The following LZTS1 variants were observed in gnomAD, a reference collection of about 807,000 sequenced individuals.
LZTS1 encodes the protein leucine zipper tumor suppressor 1.
LZTS1 carries 31 observed loss-of-function variants against 45.8 expected under a neutral mutation model. The ratio of observed to expected loss-of-function variants is 0.68; its 90% CI spans 0.51 to 0.91. The LOEUF (loss-of-function observed/expected upper bound fraction) is 0.91. LZTS1 is among the 40% of genes least tolerant of loss of function. The probability of loss-of-function intolerance (pLI) is 0.00; values close to 1 mark genes in which losing one functional copy is unlikely to be tolerated. For missense variants in LZTS1, 821 were observed against 788.9 expected, an observed-to-expected ratio of 1.04 and a Z score of -0.49; for synonymous variants, 359 against 357.3, an observed-to-expected ratio of 1.00 and a Z score of -0.05.
intron 1 of LZTS1, among the ~76,000 whole-genome samples, chr8:20,265,912 A>AGTCT (rs1184785044): frequency 6.6e-6 from 1 of 152,082 alleles, no homozygotes; most frequent in African/African-American, 2.4e-5. Flanking sequence ...CAGGGGTGAA[A>AGTCT]GTCTGTCACC....
At position 20,255,311 on chromosome 8, in the gene LZTS1, T is replaced by A; in HGVS notation, c.-130A>T. 1 of 1,442,166 alleles carries A rather than the reference T, an allele frequency of 6.9e-7. No individual in the cohort carries two copies. The highest frequency in any genetic ancestry group is 9.1e-7 in the Non-Finnish European group (1 of 1,103,696). 89.3% of individuals were successfully genotyped at this position (1,442,166 alleles called of 1,614,324 possible). On this transcript the variant is annotated 5_prime_UTR_variant, in exon 2 of 4. Transcript: ENST00000381569. ...GCCCTCACAGAGCCTGCGAGAGCCG[T>A]AGACCTGGAAGAAGACACAAGACAG...
chr8:20,300,255 T>G lies in LZTS1; in HGVS notation c.-135+3485A>C, dbSNP rs572753605. On this transcript the variant is annotated intron_variant, in intron 1 of 3. Coordinates refer to ENST00000381569, the MANE Select transcript of LZTS1 (RefSeq NM_021020.5). ...CTCCCTGCCAAAGGTCTCTGAGAGC[T>G]CTCATCTTTCCCCTTACCTTATTAA... 7.9e-5 allele frequency among the ~76,000 whole-genome samples: 12 copies of G among 152,264 alleles called. No individual in the cohort carries two copies. The South Asian group carries it at 2.5e-3, about 32-fold the overall frequency.
intron 1 of LZTS1, among the ~76,000 whole-genome samples, chr8:20,282,647 G>T (rs1800715696): frequency 6.6e-6 from 1 of 152,162 alleles, no homozygotes; most frequent in African/African-American, 2.4e-5. Context: ...GTTGTAAGGG[G>T]CTGTCCTGTG....
rs1332928223 is a variant in LZTS1, at chr8:20,252,914, C to A, written c.1017G>T (p.Gln339His). 1.2e-6 allele frequency: 2 copies of A among 1,609,994 alleles called. No homozygotes were observed. Among genetic ancestry groups the A allele is most frequent in the Non-Finnish European group, 1.7e-6 (2 of 1,178,878 alleles). The part of the protein sequence containing the change: ...QVLHLQVLQL[Q>H]QEKRQLRQEL... ...CCTGCCGGAGCTGCCGCTTCTCCTG[C>A]TGAAGCTGCAGTACCTGCAGGTGCA... Residue 339 changes from glutamine to histidine, a missense_variant, in exon 3 of 4, where the codon CAG (glutamine) becomes CAT (histidine). Physicochemically the swap from Gln to His is conservative, Grantham distance 24. Coordinates refer to ENST00000381569, the MANE Select transcript of LZTS1 (RefSeq NM_021020.5).
intron 1 of LZTS1, among the ~76,000 whole-genome samples, chr8:20,273,446 G>A (rs1563881099): frequency 6.6e-6 from 1 of 152,074 alleles, no homozygotes; most frequent in Non-Finnish European, 1.5e-5. Context: ...CCTCGGAGGG[G>A]CCACATCTCA....
intron 1 of LZTS1, among the ~76,000 whole-genome samples, chr8:20,268,034 A>G (rs1800395742): frequency 6.6e-6 from 1 of 152,248 alleles, no homozygotes. Flanking sequence ...CAGTGAGGAC[A>G]GTACACATGG....
chr8:20,296,881 G>T (rs117044007), intron 1 of LZTS1, among the ~76,000 whole-genome samples: 2,626 of 152,302 alleles, frequency 0.017, 28 homozygotes, highest in Middle Eastern at 0.044. Flanking sequence ...CATCACATCT[G>T]TTCAGACACC....
At chr8:20,257,642 C>A (rs991690929) in intron 1 of LZTS1, among the ~76,000 whole-genome samples, 2 of 150,532 alleles carry the variant, frequency 1.3e-5, no homozygotes, top group East Asian at 3.9e-4. Flanking sequence ...TTCAGTGTTA[C>A]AAACTAATTC....
intron 1 of LZTS1, among the ~76,000 whole-genome samples, chr8:20,284,575 G>C (rs754863356): frequency 6.6e-5 from 10 of 152,086 alleles, no homozygotes; most frequent in East Asian, 1.9e-4. Context: ...AAGCCCAAGA[G>C]AGTGTTCTTC....
rs116894814 is a variant in LZTS1 at position 20,259,717 on chromosome 8, G to A, written c.-134-4402C>T. Among the ~76,000 whole-genome samples the A allele has an allele frequency of 8.5e-5, 13 of 152,110 alleles. No individual in the cohort carries two copies. The East Asian group carries it at 1.7e-3, about 20-fold the overall frequency. On this transcript the variant is annotated intron_variant, in intron 1 of 3. Transcript: ENST00000381569. The stretch of plus-strand genomic sequence containing the variant: ...TCCCCTGCCTGGAATTCTCCTCCTT[G>A]GGCTCTTCACATACATCAGCCTTTC...
intron 1 of LZTS1, among the ~76,000 whole-genome samples, chr8:20,303,478 C>T (rs1302820721): frequency 6.6e-6 from 1 of 152,204 alleles, no homozygotes; most frequent in Non-Finnish European, 1.5e-5. Context: ...CTGCAGGAGA[C>T]ACGAAGACAA....
At chr8:20,281,473 C>T (rs547039527) in intron 1 of LZTS1, among the ~76,000 whole-genome samples, 7 of 152,046 alleles carry the variant, frequency 4.6e-5, no homozygotes, top group African/African-American at 7.2e-5. Flanking sequence ...CTCGGGAGGC[C>T]GAGGCAGGAG....
At chr8:20,257,444 T>C (rs761319205) in intron 1 of LZTS1, among the ~76,000 whole-genome samples, 23 of 152,024 alleles carry the variant, frequency 1.5e-4, no homozygotes, top group Non-Finnish European at 3.1e-4. Context: ...AGATCTTTGG[T>C]AACCTTGACA....
Position 20,248,430 on chromosome 8 carries a change from T to TG in LZTS1, c.*1291dup, listed in dbSNP as rs1799794070. The TG allele has an allele frequency of 6.6e-6, 1 of 152,312 alleles. No individual in the cohort carries two copies. Among genetic ancestry groups the TG allele is most frequent in the African/African-American group, 2.4e-5 (1 of 41,458 alleles). 9.4% of individuals were successfully genotyped at this position (152,312 alleles called of 1,614,324 possible). A position where few individuals can be genotyped will look rare whatever the true frequency, so the allele number is the denominator to read the frequency against. On this transcript the variant is annotated 3_prime_UTR_variant, in exon 4 of 4. Transcript: ENST00000381569. ...ATCTGCAGAGAAACCCTGGACTCCC[T>TG]GGGGCACTGCCCAAGCTCCTGAGAA...
In LZTS1 at chr8:20,249,739, T is replaced by C; in HGVS notation, c.1774A>G (p.Ile592Val). Residue 592 changes from isoleucine to valine, a missense_variant, in exon 4 of 4, where the codon ATA (isoleucine) becomes GTA (valine). Transcript: ENST00000381569. ...GCAGCCCCTCAGATCTCAGTGGCTATGATGTCCTCGTAGGGGATGTCAGCC... is the reference window on the plus strand; with the variant it reads ...GCAGCCCCTCAGATCTCAGTGGCTACGATGTCCTCGTAGGGGATGTCAGCC... Reference protein sequence around the residue: ...EGADIPYEDIIATEI With the variant: ...EGADIPYEDIVATEI The C allele has an allele frequency of 1.9e-6, 3 of 1,607,634 alleles. No individual in the cohort carries two copies. Among genetic ancestry groups the C allele is most frequent in the Non-Finnish European group, 1.7e-6 (2 of 1,178,470 alleles).
chr8:20,281,353 A>T (rs1026022523), intron 1 of LZTS1, among the ~76,000 whole-genome samples: 1 of 151,630 alleles, frequency 6.6e-6, no homozygotes, highest in Non-Finnish European at 1.5e-5. Flanking sequence ...TGAGGTCAGC[A>T]GTTCAAGACC....
At chr8:20,250,470 C>T in intron 3 of LZTS1, 107 bp from the exon 4 acceptor site, 1 of 1,121,822 alleles carries the variant, frequency 8.9e-7, no homozygotes. Context: ...ATGCGGTGGC[C>T]CGGTGTTAGG....
At chr8:20,275,419 A>AG (rs1442660678) in intron 1 of LZTS1, among the ~76,000 whole-genome samples, 1 of 151,734 alleles carries the variant, frequency 6.6e-6, no homozygotes, top group Non-Finnish European at 1.5e-5. Context: ...AAAAAAAAAA[A>AG]AAAGAATTGT....
chr8:20,253,087 G>C lies in LZTS1; in HGVS notation c.844C>G (p.Arg282Gly), dbSNP rs140920176. ...GCAAGCTCCTTCTCCTCAAAGCTGC[G>C]CTGCAGCTTCTGGAGGGCGCCCTCC... ...EREGALQKLQ[R>G]SFEEKELASS... The change falls in exon 3 of 4, where the codon CGC becomes GGC. Residue 282 changes from arginine (R) to glycine (G), a missense_variant. Physicochemically the swap from Arg to Gly is moderately radical, Grantham distance 125 (BLOSUM62 -2). Coordinates refer to ENST00000381569, the MANE Select transcript of LZTS1 (RefSeq NM_021020.5). 6.2e-7 allele frequency: 1 copy of C among 1,609,900 alleles called. No homozygotes were observed. Among genetic ancestry groups the C allele is most frequent in the African/African-American group, 1.3e-5 (1 of 74,998 alleles).
Sources: gnomAD v4.1 joint callset for allele counts (sites outside exome capture counted in the v4.1 genomes callset) on GRCh38, gnomAD v4.1.1 for gene constraint, MANE v1.5 for transcripts, NCBI Gene and HGNC (gene_info 2026-07-23, HGNC 2026-07-21) for gene names.